The following NRF1 variants were observed in gnomAD, a reference collection of about 807,000 sequenced individuals.
NRF1 encodes the protein alpha palindromic-binding protein.
A neutral mutation model predicts 58.5 loss-of-function variants in NRF1; 5 were observed. The ratio of observed to expected loss-of-function variants is 0.09; its 90% CI spans 0.04 to 0.18. The LOEUF (loss-of-function observed/expected upper bound fraction) is 0.18. Ranked by LOEUF, NRF1 falls within the 10% of genes least tolerant of loss-of-function variation. The pLI is 1.00. For synonymous variants in NRF1, 224 were observed against 246.7 expected, an observed-to-expected ratio of 0.91 and a Z score of 0.86; for missense variants, 288 against 657.7, an observed-to-expected ratio of 0.44 and a Z score of 6.15.
At chr7:129,679,031 C>A (rs1393060290) in intron 4 of NRF1, among the ~76,000 whole-genome samples, 1 of 151,994 alleles carries the variant, frequency 6.6e-6, no homozygotes, top group African/African-American at 2.4e-5. Context: ...AATATATCTT[C>A]CAGAGCACCG....
chr7:129,654,077 T>C (rs1382023374), intron 1 of NRF1, among the ~76,000 whole-genome samples: 2 of 152,224 alleles, frequency 1.3e-5, no homozygotes, highest in East Asian at 1.9e-4. Flanking sequence ...TGTACTATGT[T>C]GCATTCCCAC....
At chr7:129,701,251 G>A (rs993303359) in intron 5 of NRF1, among the ~76,000 whole-genome samples, 19 of 152,124 alleles carry the variant, frequency 1.2e-4, no homozygotes, top group African/African-American at 4.6e-4. Flanking sequence ...CACTAGTAAT[G>A]GAAATTAAAA....
intron 2 of NRF1, among the ~76,000 whole-genome samples, chr7:129,665,710 A>G (rs760484822): frequency 2.4e-4 from 36 of 151,978 alleles, no homozygotes; most frequent in Non-Finnish European, 4.0e-4. Flanking sequence ...TGCAGCCTCA[A>G]CCTCCTTGGG....
chr7:129,753,504 C>T (rs1285946648), intron 10 of NRF1, among the ~76,000 whole-genome samples: 1 of 152,118 alleles, frequency 6.6e-6, no homozygotes, highest in Non-Finnish European at 1.5e-5. Context: ...TGTTGACATC[C>T]CTCGGTTATA....
intron 1 of NRF1, among the ~76,000 whole-genome samples, chr7:129,635,780 A>G (rs953012631): frequency 2.0e-5 from 3 of 151,994 alleles, no homozygotes; most frequent in Non-Finnish European, 4.4e-5. Context: ...TGATGGGAGA[A>G]CTCACTGCTT....
chr7:129,702,658 TTAAAG>T (rs1186859404), intron 5 of NRF1, among the ~76,000 whole-genome samples: 2 of 152,232 alleles, frequency 1.3e-5, no homozygotes, highest in Admixed American at 6.5e-5. Context: ...TAATTTTAAG[TTAAAG>T]TAATGTTGCC....
chr7:129,702,878 T>C (rs935813647), intron 5 of NRF1, among the ~76,000 whole-genome samples: 2 of 152,228 alleles, frequency 1.3e-5, no homozygotes, highest in Middle Eastern at 3.4e-3. Flanking sequence ...TAAATGGACA[T>C]CAGGAGCCTC....
rs1450289861 is a variant in NRF1, at chr7:129,657,383, A to G, written c.32A>G (p.His11Arg). MEEHGVTQTE[H>R]MATIEAHAVA... ...GAACACGGAGTGACCCAAACCGAACATATGGCTACCATAGAAGCACATGCA... is the reference window on the plus strand; with the variant it reads ...GAACACGGAGTGACCCAAACCGAACGTATGGCTACCATAGAAGCACATGCA... The change falls in exon 2 of 11, where the codon CAT (histidine) becomes CGT (arginine). Residue 11 changes from histidine to arginine, a missense_variant. Around this residue, in one of 3 missense-constraint regions of NRF1, gnomAD observed 48 missense variants for 65.5 expected, o/e 0.73. Coordinates refer to ENST00000393232, the MANE Select transcript of NRF1 (RefSeq NM_005011.5). 1.9e-6 allele frequency: 3 copies of G among 1,614,240 alleles called. No individual in the cohort carries two copies. The highest frequency in any genetic ancestry group is 3.3e-5 in the Admixed American group (2 of 60,026).
intron 1 of NRF1, among the ~76,000 whole-genome samples, chr7:129,641,292 A>G (rs990326672): frequency 6.6e-6 from 1 of 152,176 alleles, no homozygotes; most frequent in Non-Finnish European, 1.5e-5. Flanking sequence ...AAAGTCATTT[A>G]TTAATTATCT....
intron 6 of NRF1, among the ~76,000 whole-genome samples, chr7:129,709,958 G>A (rs1210810499): frequency 2.0e-5 from 3 of 152,022 alleles, no homozygotes; most frequent in East Asian, 1.9e-4. Context: ...TCGAACTCCC[G>A]ACCTCAGGCC....
intron 10 of NRF1, among the ~76,000 whole-genome samples, chr7:129,749,934 A>G (rs992190482): frequency 5.9e-5 from 9 of 152,102 alleles, no homozygotes; most frequent in African/African-American, 1.4e-4. Flanking sequence ...CTGAAATACT[A>G]AAGTCTTCAG....
intron 10 of NRF1, among the ~76,000 whole-genome samples, chr7:129,748,079 G>A (rs1040762329): frequency 6.6e-6 from 1 of 151,810 alleles, no homozygotes; most frequent in Non-Finnish European, 1.5e-5. Flanking sequence ...TTCAAGACCA[G>A]CCTGACTAAC....
chr7:129,756,272 G>A lies in NRF1; in HGVS notation c.*1091G>A, dbSNP rs1804252321. On this transcript the variant is annotated 3_prime_UTR_variant, in exon 11 of 11. Coordinates refer to ENST00000393232, the MANE Select transcript of NRF1 (RefSeq NM_005011.5). ...GAACAAGAAGAGACATCTGGTCTGT[G>A]GCCACAGCACCCTGAACGCCCCTGA... 6.6e-6 allele frequency: 1 copy of A among 152,288 alleles called. No homozygotes were observed. Among genetic ancestry groups the A allele is most frequent in the Non-Finnish European group, 1.5e-5 (1 of 68,126 alleles). 9.4% of individuals were successfully genotyped at this position (152,288 alleles called of 1,614,324 possible).
intron 1 of NRF1, among the ~76,000 whole-genome samples, chr7:129,619,429 TATATACAC>T (rs1428470482): frequency 2.7e-5 from 2 of 75,166 alleles, no homozygotes; most frequent in Non-Finnish European, 4.5e-5. Context: ...TATATATATA[TATATACAC>T]ACACACACAC....
intron 10 of NRF1, chr7:129,735,062 C>T (rs1258772209): frequency 1.0e-6 from 1 of 985,338 alleles, no homozygotes; most frequent in African/African-American, 1.7e-5. Flanking sequence ...GGGTCTTCCA[C>T]TTGGCTCTGC....
In NRF1 at chr7:129,756,235, A is replaced by C. The variant is rs1261118933; in HGVS notation, c.*1054A>C. On this transcript the variant is annotated 3_prime_UTR_variant, in exon 11 of 11. Coordinates refer to ENST00000393232, the MANE Select transcript of NRF1 (RefSeq NM_005011.5). Reference sequence around the variant, plus strand: ...TCTACTGTCTGTAGCTTCACAGAGGAGGCGCTGGAATGAACAAGAAGAGAC... The same window carrying C: ...TCTACTGTCTGTAGCTTCACAGAGGCGGCGCTGGAATGAACAAGAAGAGAC... The C allele has an allele frequency of 6.6e-6, 1 of 152,094 alleles. No homozygotes were observed. The highest frequency in any genetic ancestry group is 1.5e-5 in the Non-Finnish European group (1 of 68,038). 9.4% of individuals were successfully genotyped at this position (152,094 alleles called of 1,614,324 possible).
chr7:129,706,033 A>G (rs901606935), intron 5 of NRF1, among the ~76,000 whole-genome samples: 16 of 152,198 alleles, frequency 1.1e-4, no homozygotes, highest in African/African-American at 2.4e-4. Context: ...GAGTGGCGGC[A>G]TTAGAATAGT....
At chr7:129,692,596 T>C (rs1342769530) in intron 5 of NRF1, among the ~76,000 whole-genome samples, 1 of 152,130 alleles carries the variant, frequency 6.6e-6, no homozygotes, top group Non-Finnish European at 1.5e-5. Flanking sequence ...ATAAATTTAT[T>C]TATTTATTTA....
At chr7:129,731,630 G>A (rs1299166269) in intron 10 of NRF1, among the ~76,000 whole-genome samples, 3 of 151,894 alleles carry the variant, frequency 2.0e-5, no homozygotes, top group Admixed American at 6.6e-5. Context: ...TTGTTTGTTT[G>A]TTTGTTTGTT....
Sources: gnomAD v4.1 joint callset for allele counts (sites outside exome capture counted in the v4.1 genomes callset) on GRCh38, gnomAD v4.1.1 for gene constraint, gnomAD v4.1.1 regional missense constraint, MANE v1.5 for transcripts, NCBI Gene and HGNC (gene_info 2026-07-23, HGNC 2026-07-21) for gene names.